Variants in TBCD observed in about 807,000 individuals in gnomAD.
TBCD encodes the protein tubulin folding cofactor D, also known as tubulin-specific chaperone D.
In TBCD, 105 loss-of-function variants were observed where a neutral mutation model predicts 169.3. That is an observed-to-expected ratio of 0.62 (90% CI 0.53 to 0.73). The LOEUF is 0.73. Among genes scored for constraint, TBCD ranks in the 30% least tolerant of loss-of-function variants. The pLI, the probability that TBCD is intolerant of heterozygous loss-of-function variation, is 0.00. For synonymous variants in TBCD, 700 were observed against 643.9 expected, an observed-to-expected ratio of 1.09 and a Z score of -1.32; for missense variants, 1,444 against 1,600.1, an observed-to-expected ratio of 0.90 and a Z score of 1.66.
intron 13 of TBCD, among the ~76,000 whole-genome samples, chr17:82,867,595 C>A (rs547701844): frequency 6.6e-6 from 1 of 152,166 alleles, no homozygotes; most frequent in Non-Finnish European, 1.5e-5. Flanking sequence ...GTGGACTTTC[C>A]GGGGCAAACA....
At chr17:82,908,183 G>C (rs1469460491) in intron 21 of TBCD, 2 of 391,822 alleles carry the variant, frequency 5.1e-6, no homozygotes, top group African/African-American at 4.2e-5. Flanking sequence ...GGGGCGCGCG[G>C]CTGCGGTCCC....
intron 13 of TBCD, among the ~76,000 whole-genome samples, chr17:82,847,925 G>A (rs1198226314): frequency 2.0e-5 from 3 of 152,152 alleles, no homozygotes; most frequent in Non-Finnish European, 4.4e-5. Flanking sequence ...CCACCGGGCC[G>A]GGCCCACGAT....
At chr17:82,761,229 G>C (rs984161693) in intron 2 of TBCD, among the ~76,000 whole-genome samples, 1 of 152,182 alleles carries the variant, frequency 6.6e-6, no homozygotes, top group African/African-American at 2.4e-5. Context: ...CTCCCAAAGT[G>C]CTGGGATTAC....
intron 13 of TBCD, among the ~76,000 whole-genome samples, chr17:82,847,848 C>G (rs929411293): frequency 2.0e-5 from 3 of 152,192 alleles, no homozygotes; most frequent in African/African-American, 7.2e-5. Flanking sequence ...GTCTTGATCT[C>G]CTGACCTCGT....
chr17:82,784,670 C>T (rs2049175562), intron 7 of TBCD, among the ~76,000 whole-genome samples: 1 of 152,126 alleles, frequency 6.6e-6, no homozygotes, highest in Admixed American at 6.5e-5. Context: ...GGTGGGGGTC[C>T]TGGGAATTCT....
chr17:82,847,374 AAAAAAG>A (rs1197796969), intron 13 of TBCD, among the ~76,000 whole-genome samples: 1 of 151,400 alleles, frequency 6.6e-6, no homozygotes, highest in Non-Finnish European at 1.5e-5. Flanking sequence ...AAAAAAAAAA[AAAAAAG>A]AAACAACCCT....
At position 82,936,945 on chromosome 17, in the gene TBCD, G is replaced by A. The variant is rs114913054; in HGVS notation, c.3192-326G>A. Among the ~76,000 whole-genome samples the A allele has an allele frequency of 5.9e-3, 906 of 152,318 alleles. 11 individuals are homozygous for A. Among genetic ancestry groups the A allele is most frequent in the African/African-American group, 0.021 (855 of 41,554 alleles). On this transcript the variant is annotated intron_variant, in intron 34 of 38. Coordinates refer to ENST00000355528, the MANE Select transcript of TBCD (RefSeq NM_005993.5). The stretch of plus-strand genomic sequence containing the variant: ...TCTGGAGGGAGTGGTGGAGGAGCAC[G>A]GGCATCCTGGCCGCCGCTGTGTTGG...
At chr17:82,802,132 A>G (rs1345744091) in intron 9 of TBCD, among the ~76,000 whole-genome samples, 1 of 76,790 alleles carries the variant, frequency 1.3e-5, no homozygotes, top group African/African-American at 4.5e-5. Context: ...CTGTTGGAGA[A>G]AGTGAAACCG....
At position 82,800,908 on chromosome 17, in the gene TBCD, A is replaced by G. The variant is rs766852726; in HGVS notation, c.862A>G (p.Ser288Gly). 3 of 1,612,506 alleles carry G rather than the reference A, an allele frequency of 1.9e-6. No individual in the cohort carries two copies. Among genetic ancestry groups the G allele is most frequent in the South Asian group, 1.1e-5 (1 of 91,034 alleles). ...CCTCGATGGCTGCAGACTCCCTGAGAGCAACCAGACCCTGCTGCGGAAGCT... is the reference window on the plus strand; with the variant it reads ...CCTCGATGGCTGCAGACTCCCTGAGGGCAACCAGACCCTGCTGCGGAAGCT... ...RCLDGCRLPE[S>G]NQTLLRKLGV... The change falls in exon 9 of 39, where the codon AGC becomes GGC. Residue 288 changes from serine to glycine, a missense_variant. Transcript: ENST00000355528.
At chr17:82,917,237 C>T (rs2061114169) in intron 23 of TBCD, among the ~76,000 whole-genome samples, 1 of 152,046 alleles carries the variant, frequency 6.6e-6, no homozygotes. Context: ...CCAGGCTGGT[C>T]TCGATCTCTT....
intron 4 of TBCD, 99 bp downstream of exon 4, chr17:82,766,467 C>A: frequency 1.4e-6 from 1 of 703,016 alleles, no homozygotes. Context: ...CTGTTTCTTT[C>A]ATTTTATCTC....
chr17:82,774,100 G>A (rs1237496268), intron 6 of TBCD, among the ~76,000 whole-genome samples: 1 of 151,206 alleles, frequency 6.6e-6, no homozygotes, highest in Non-Finnish European at 1.5e-5. Context: ...TTCTCAGAGA[G>A]GGGGATTTGG....
intron 2 of TBCD, among the ~76,000 whole-genome samples, chr17:82,762,900 G>A (rs1359034239): frequency 6.6e-6 from 1 of 152,188 alleles, no homozygotes; most frequent in Non-Finnish European, 1.5e-5. Flanking sequence ...ATTTCAGGGA[G>A]TGTATCTCGT....
rs2061833641 is a variant in TBCD at position 82,927,245 on chromosome 17, A to G, written c.2531A>G (p.Asn844Ser). 6.2e-7 allele frequency: 1 copy of G among 1,613,908 alleles called. No individual in the cohort carries two copies. The highest frequency in any genetic ancestry group is 2.2e-5 in the East Asian group (1 of 44,888). ...CCAGACGAAGCTGTGTGCGGAGAGA[A>G]TGTTTCCCAGATTTACTGTGCGCTG... ...GAPDEAVCGE[N>S]VSQIYCALLG... is the part of the protein sequence containing the mutation. The change falls in exon 29 of 39, where the codon AAT becomes AGT. Residue 844 changes from asparagine (N) to serine (S), a missense_variant. Physicochemically the swap from Asn to Ser is conservative, Grantham distance 46. Coordinates refer to ENST00000355528, the MANE Select transcript of TBCD (RefSeq NM_005993.5).
chr17:82,788,039 C>A (rs1426550572), intron 7 of TBCD, among the ~76,000 whole-genome samples: 1 of 152,082 alleles, frequency 6.6e-6, no homozygotes, highest in Non-Finnish European at 1.5e-5. Context: ...GAGTTTGATA[C>A]CAGCCTGGCC....
intron 13 of TBCD, among the ~76,000 whole-genome samples, chr17:82,858,900 C>T (rs2056531294): frequency 6.6e-6 from 1 of 152,208 alleles, no homozygotes. Context: ...GAACTGCTGT[C>T]AGTGGCGCTT....
rs190757026 is a variant in TBCD at position 82,825,341 on chromosome 17, G to T, written c.1318+10407G>T. Among the ~76,000 whole-genome samples, 4 of 152,312 alleles carry T rather than the reference G, an allele frequency of 2.6e-5. No individual in the cohort carries two copies. In the East Asian group the frequency reaches 5.8e-4, roughly 22 times the overall value. ...TGCAGGGTGTGAGGCTTTGGGTCCTGAGTGTGGACCGTGGCATGTGATGTC... is the reference window on the plus strand; with the variant it reads ...TGCAGGGTGTGAGGCTTTGGGTCCTTAGTGTGGACCGTGGCATGTGATGTC... On this transcript the variant is annotated intron_variant, in intron 13 of 38. Transcript: ENST00000355528.
intron 19 of TBCD, among the ~76,000 whole-genome samples, chr17:82,904,129 G>A (rs974183345): frequency 6.7e-6 from 1 of 149,580 alleles, no homozygotes; most frequent in African/African-American, 2.5e-5. Flanking sequence ...GCATGCACCT[G>A]CCACACGACA....
intron 23 of TBCD, 99 bp downstream of exon 23, chr17:82,911,888 G>C: frequency 7.8e-7 from 1 of 1,279,182 alleles, no homozygotes; most frequent in Non-Finnish European, 1.1e-6. Flanking sequence ...TTAGCCCCCA[G>C]GGTGAAGGGC....
Sources: allele counts gnomAD v4.1 joint callset (sites outside exome capture counted in the v4.1 genomes callset), GRCh38; gene constraint gnomAD v4.1.1; transcripts MANE v1.5; gene names NCBI Gene and HGNC (gene_info 2026-07-23, HGNC 2026-07-21).